Variants in TSPAN12 observed in about 807,000 individuals in gnomAD.
TSPAN12 encodes tetraspanin-12.
A neutral mutation model predicts 39.2 loss-of-function variants in TSPAN12; 19 were observed. The ratio of observed to expected loss-of-function variants is 0.49; its 90% CI spans 0.34 to 0.71. The LOEUF (loss-of-function observed/expected upper bound fraction) is 0.71. Among genes scored for constraint, TSPAN12 ranks in the 30% least tolerant of loss-of-function variants. The probability of loss-of-function intolerance (pLI) is 0.01; values close to 1 mark genes in which losing one functional copy is unlikely to be tolerated. For missense variants in TSPAN12, 314 were observed against 359.9 expected (o/e 0.87, Z 1.03); for synonymous variants, 119 against 124.8 (o/e 0.95, Z 0.31).
At chr7:120,804,526 A>C (rs1215874917) in intron 7 of TSPAN12, among the ~76,000 whole-genome samples, 1 of 152,202 alleles carries the variant, frequency 6.6e-6, no homozygotes, top group African/African-American at 2.4e-5. Flanking sequence ...ATGTTTCTAA[A>C]CAAAGTATGT....
At chr7:120,844,988 C>T (rs1160142769) in intron 2 of TSPAN12, among the ~76,000 whole-genome samples, 5 of 152,232 alleles carry the variant, frequency 3.3e-5, no homozygotes. Flanking sequence ...TGCATACATC[C>T]TCTGAAATTG....
intron 2 of TSPAN12, among the ~76,000 whole-genome samples, chr7:120,849,625 A>G (rs746024923): frequency 2.0e-5 from 3 of 152,230 alleles, no homozygotes; most frequent in Non-Finnish European, 4.4e-5. Context: ...CCTGAATCTT[A>G]GTTACAGCTT....
intron 7 of TSPAN12, among the ~76,000 whole-genome samples, chr7:120,789,416 G>A (rs1163632091): frequency 6.6e-6 from 1 of 152,274 alleles, no homozygotes; most frequent in East Asian, 1.9e-4. Flanking sequence ...ACTTAACACC[G>A]GTTTGGTAAA....
intron 7 of TSPAN12, among the ~76,000 whole-genome samples, chr7:120,801,529 G>A (rs1236818735): frequency 6.6e-6 from 1 of 152,166 alleles, no homozygotes; most frequent in Admixed American, 6.5e-5. Context: ...AAATCTGTGG[G>A]AATACTACTT....
chr7:120,833,418 A>C (rs114048192), intron 4 of TSPAN12, among the ~76,000 whole-genome samples: 2,318 of 152,016 alleles, frequency 0.015, 40 homozygotes, highest in African/African-American at 0.042. Context: ...AACAAACAAA[A>C]AAAAAACAAG....
chr7:120,815,232 A>G (rs1159777875), intron 5 of TSPAN12, among the ~76,000 whole-genome samples: 2 of 152,224 alleles, frequency 1.3e-5, no homozygotes, highest in East Asian at 3.8e-4. Context: ...AAGTATTGGG[A>G]TTATTAACTG....
intron 4 of TSPAN12, among the ~76,000 whole-genome samples, chr7:120,838,131 C>T (rs917914015): frequency 1.8e-4 from 28 of 152,304 alleles, no homozygotes; most frequent in African/African-American, 6.5e-4. Context: ...ATATTTTGCA[C>T]ATTAAGTGCT....
Position 120,788,816 on chromosome 7 carries a change from C to G in TSPAN12, c.694G>C (p.Val232Leu), listed in dbSNP as rs1268181887. 6.2e-7 allele frequency: 1 copy of G among 1,614,134 alleles called. No homozygotes were observed. Among genetic ancestry groups the G allele is most frequent in the Admixed American group, 1.7e-5 (1 of 60,010 alleles). ...VLRFLGISIG[V>L]TQILAMILTI... ...AGAATCATGGCCAGGATTTGTGTCA[C>G]CCCAATGGAGATTCCCAGAAACCTC... Residue 232 changes from valine (V) to leucine (L), a missense_variant, in exon 8 of 8, where the codon GTG (valine) becomes CTG (leucine). Coordinates refer to ENST00000222747, the MANE Select transcript of TSPAN12 (RefSeq NM_012338.4).
At chr7:120,835,452 T>C (rs1023960038) in intron 4 of TSPAN12, among the ~76,000 whole-genome samples, 6 of 152,302 alleles carry the variant, frequency 3.9e-5, no homozygotes, top group Admixed American at 1.3e-4. Flanking sequence ...TCAGCTATTA[T>C]AGAGTAAAAT....
At chr7:120,833,167 T>C (rs1416815534) in intron 4 of TSPAN12, among the ~76,000 whole-genome samples, 1 of 152,094 alleles carries the variant, frequency 6.6e-6, no homozygotes, top group Non-Finnish European at 1.5e-5. Context: ...GAACATACGG[T>C]AAATAATATG....
chr7:120,852,087 T>C (rs1794779507), intron 2 of TSPAN12, among the ~76,000 whole-genome samples: 1 of 152,108 alleles, frequency 6.6e-6, no homozygotes, highest in Non-Finnish European at 1.5e-5. Context: ...ACTCAAGATA[T>C]ACTTTTTAAC....
chr7:120,822,347 G>A (rs1210871466), intron 4 of TSPAN12, among the ~76,000 whole-genome samples: 2 of 151,586 alleles, frequency 1.3e-5, no homozygotes, highest in Admixed American at 6.6e-5. Flanking sequence ...CACCCCCTAG[G>A]ATTTCCCCCT....
intron 7 of TSPAN12, among the ~76,000 whole-genome samples, chr7:120,790,660 C>T (rs1793504662): frequency 6.6e-6 from 1 of 152,194 alleles, no homozygotes; most frequent in Admixed American, 6.5e-5. Context: ...TACTGTTTTA[C>T]AGGACAATGA....
chr7:120,838,693 C>A, intron 4 of TSPAN12, 84 bp downstream of exon 4: 3 of 1,434,498 alleles, frequency 2.1e-6, no homozygotes, highest in Non-Finnish European at 2.9e-6. Flanking sequence ...TATCACTGCT[C>A]CCTAATCTTG....
chr7:120,833,699 T>C (rs115198709), intron 4 of TSPAN12, among the ~76,000 whole-genome samples: 207 of 152,250 alleles, frequency 1.4e-3, no homozygotes, highest in African/African-American at 4.5e-3. Flanking sequence ...TGAGCATATA[T>C]TTGCATCACA....
At chr7:120,789,983 G>A (rs1562934859) in intron 7 of TSPAN12, among the ~76,000 whole-genome samples, 1 of 152,126 alleles carries the variant, frequency 6.6e-6, no homozygotes, top group Non-Finnish European at 1.5e-5. Flanking sequence ...AGATTTTCAT[G>A]CACTATGCGA....
intron 4 of TSPAN12, among the ~76,000 whole-genome samples, chr7:120,832,604 G>A (rs1330554810): frequency 6.6e-6 from 1 of 152,026 alleles, no homozygotes; most frequent in Non-Finnish European, 1.5e-5. Flanking sequence ...CTGATTCTGG[G>A]TTCCCACAGC....
intron 5 of TSPAN12, among the ~76,000 whole-genome samples, chr7:120,813,095 AC>A (rs1456649768): frequency 6.6e-6 from 1 of 152,236 alleles, no homozygotes. Context: ...TCATAAAGTA[AC>A]ACACAGGTTG....
intron 7 of TSPAN12, among the ~76,000 whole-genome samples, chr7:120,805,077 G>A (rs1288834398): frequency 6.6e-6 from 1 of 151,984 alleles, no homozygotes; most frequent in East Asian, 1.9e-4. Context: ...CTTTGTTATG[G>A]CAGCTCTAGG....
Sources: allele counts gnomAD v4.1 joint callset (sites outside exome capture counted in the v4.1 genomes callset), GRCh38; gene constraint gnomAD v4.1.1; transcripts MANE v1.5; gene names NCBI Gene and HGNC (gene_info 2026-07-23, HGNC 2026-07-21).